EXT2: variants seen among roughly 807,000 people sequenced by gnomAD.
EXT2 encodes exostosin glycosyltransferase 2.
Under a neutral mutation model 81.6 loss-of-function variants are expected in EXT2, and 53 were observed. The observed-to-expected ratio is 0.65, with a 90% CI of 0.52 to 0.82. The LOEUF (loss-of-function observed/expected upper bound fraction) is 0.82, where lower values mean the gene tolerates loss of function less well. Ranked by LOEUF, EXT2 falls within the 40% of genes least tolerant of loss-of-function variation. The pLI, the probability that EXT2 is intolerant of heterozygous loss-of-function variation, is 0.00. For synonymous variants in EXT2, 320 were observed against 340.0 expected (o/e 0.94, Z 0.65); for missense variants, 774 against 910.2 (o/e 0.85, Z 1.93).
intron 13 of EXT2, among the ~76,000 whole-genome samples, chr11:44,238,649 A>G (rs886542672): frequency 2.6e-5 from 4 of 152,178 alleles, no homozygotes; most frequent in Admixed American, 6.5e-5. Flanking sequence ...CAGGTGAAAG[A>G]GAAGTAACTT....
chr11:44,143,196 C>G (rs941543853), intron 7 of EXT2, among the ~76,000 whole-genome samples: 14 of 152,244 alleles, frequency 9.2e-5, no homozygotes, highest in African/African-American at 3.1e-4. Context: ...AGGTGATCCA[C>G]CTGCCTTGGC....
intron 7 of EXT2, among the ~76,000 whole-genome samples, chr11:44,162,514 TGCAGTGAGCCGAGATC>T (rs1310519447): frequency 6.9e-6 from 1 of 143,928 alleles, no homozygotes; most frequent in Non-Finnish European, 1.5e-5. Context: ...AGGCTGAGGT[TGCAGTGAGCCGAGATC>T]GCACCACTGC....
chr11:44,173,758 C>T lies in EXT2; in HGVS notation c.1305+2016C>T, dbSNP rs142008162. Among the ~76,000 whole-genome samples, 1,064 of 151,582 alleles carry T rather than the reference C, an allele frequency of 7.0e-3. 13 individuals carry two copies. Among genetic ancestry groups the T allele is most frequent in the African/African-American group, 0.019 (798 of 41,362 alleles). The stretch of plus-strand genomic sequence containing the variant: ...TAATTTTTTGTGTTTTTAGTGGAGA[C>T]GGGGTTTCACTGTGTTAGCCAGGAT... On this transcript the variant is annotated intron_variant, in intron 8 of 13. Transcript: ENST00000533608.
chr11:44,222,337 C>T (rs1015910409), intron 10 of EXT2, among the ~76,000 whole-genome samples: 5 of 152,164 alleles, frequency 3.3e-5, no homozygotes, highest in Admixed American at 2.6e-4. Flanking sequence ...CCAGTGTGGT[C>T]CATTCATGCA....
chr11:44,145,092 A>G (rs1954698766), intron 7 of EXT2, among the ~76,000 whole-genome samples: 1 of 152,100 alleles, frequency 6.6e-6, no homozygotes, highest in African/African-American at 2.4e-5. Flanking sequence ...GCAAGAAGAC[A>G]TAGAAATAGC....
chr11:44,175,612 G>T (rs901942936), intron 8 of EXT2, among the ~76,000 whole-genome samples: 3 of 152,130 alleles, frequency 2.0e-5, no homozygotes, highest in Admixed American at 6.5e-5. Context: ...TCAGCAGGAA[G>T]TAACTCTTAG....
At chr11:44,217,560 C>G (rs1955734398) in intron 10 of EXT2, among the ~76,000 whole-genome samples, 1 of 152,132 alleles carries the variant, frequency 6.6e-6, no homozygotes, top group African/African-American at 2.4e-5. Context: ...TCTTTTCAGC[C>G]TGGGATAATT....
chr11:44,135,206 G>A (rs148718330), intron 7 of EXT2, among the ~76,000 whole-genome samples: 316 of 152,272 alleles, frequency 2.1e-3, no homozygotes, highest in African/African-American at 7.4e-3. Context: ...TTATAGGAGA[G>A]CCCCTATCAG....
At chr11:44,229,403 C>T (rs1025501409) in intron 10 of EXT2, among the ~76,000 whole-genome samples, 12 of 152,328 alleles carry the variant, frequency 7.9e-5, no homozygotes, top group African/African-American at 2.2e-4. Context: ...ACGATGCCTG[C>T]GGTCGATTAG....
intron 12 of EXT2, among the ~76,000 whole-genome samples, chr11:44,235,586 G>T (rs1955953982): frequency 6.6e-6 from 1 of 152,072 alleles, no homozygotes; most frequent in Admixed American, 6.5e-5. Context: ...GTTTTTAGCT[G>T]TGGCTGCTTA....
chr11:44,243,498 T>G (rs1564991286), intron 13 of EXT2, among the ~76,000 whole-genome samples: 2 of 152,252 alleles, frequency 1.3e-5, no homozygotes, highest in African/African-American at 4.8e-5. Flanking sequence ...TATGTGAACT[T>G]CAGCTTTCAC....
chr11:44,232,109 C>G (rs562464522), intron 10 of EXT2, among the ~76,000 whole-genome samples: 1 of 152,258 alleles, frequency 6.6e-6, no homozygotes, highest in Admixed American at 6.5e-5. Flanking sequence ...ATTACCCCCA[C>G]ATTAATTGAA....
At chr11:44,097,484 C>T (rs1418589523) in intron 1 of EXT2, among the ~76,000 whole-genome samples, 1 of 151,996 alleles carries the variant, frequency 6.6e-6, no homozygotes, top group African/African-American at 2.4e-5. Context: ...AGCTGTAAGG[C>T]CCTTTCTAAA....
chr11:44,189,011 C>G (rs1216719505), intron 8 of EXT2, among the ~76,000 whole-genome samples: 1 of 152,014 alleles, frequency 6.6e-6, no homozygotes, highest in Non-Finnish European at 1.5e-5. Flanking sequence ...TGCAGTAAAC[C>G]AAAGAAAAAG....
At position 44,156,613 on chromosome 11, in the gene EXT2, A is replaced by T. The variant is rs902387571; in HGVS notation, c.1174-14998A>T. ...TTAAATTTATCTGTTAGAATTCTGA[A>T]TTCCTTCTCTCTGTTGTCTTGAATT... On this transcript the variant is annotated intron_variant, in intron 7 of 13. Coordinates refer to ENST00000533608, the MANE Select transcript of EXT2 (RefSeq NM_207122.2). Among the ~76,000 whole-genome samples the T allele has an allele frequency of 3.3e-5, 5 of 152,292 alleles. No individual in the cohort carries two copies. The East Asian group carries it at 7.7e-4, about 24-fold the overall frequency.
In EXT2 at chr11:44,247,299, TGCA is replaced by T. The variant is rs1956102904; in HGVS notation, c.*3013_*3015del. On this transcript the variant is annotated 3_prime_UTR_variant, in exon 14 of 14. Coordinates refer to ENST00000533608, the MANE Select transcript of EXT2 (RefSeq NM_207122.2). ...CTTGCTCTTGTCACCCAGGCTGGAG[TGCA>T]ACAATAGCATGGTCTCGGCTCACTA... Among the ~76,000 whole-genome samples, 2 of 24,182 alleles carry T rather than the reference TGCA, an allele frequency of 8.3e-5. No individual in the cohort carries two copies. The highest frequency in any genetic ancestry group is 9.6e-3 in the East Asian group (1 of 104). The allele number at this position is 24,182 out of a possible 152,430, so 15.9% of individuals were successfully genotyped here. A position where few individuals can be genotyped will look rare whatever the true frequency, so the allele number is the denominator to read the frequency against.
At chr11:44,107,537 T>C (rs1331503357) in intron 1 of EXT2, 146 bp from the exon 2 acceptor site, 29 of 741,694 alleles carry the variant, frequency 3.9e-5, no homozygotes, top group Non-Finnish European at 6.2e-5. Context: ...TGAGCTGAGA[T>C]TGCACCACTG....
intron 1 of EXT2, 81 bp downstream of exon 1, chr11:44,095,933 GA>G (rs1397741199): frequency 5.3e-6 from 2 of 375,486 alleles, no homozygotes; most frequent in Non-Finnish European, 1.0e-5. Flanking sequence ...GCTGGGTCGG[GA>G]CAAGGGCCGA....
chr11:44,188,701 C>T (rs1304551892), intron 8 of EXT2, among the ~76,000 whole-genome samples: 1 of 152,108 alleles, frequency 6.6e-6, no homozygotes, highest in Non-Finnish European at 1.5e-5. Context: ...CAAGGGCTTG[C>T]AATTATTAGA....
Sources: gnomAD v4.1 joint callset for allele counts (sites outside exome capture counted in the v4.1 genomes callset) on GRCh38, gnomAD v4.1.1 for gene constraint, MANE v1.5 for transcripts, NCBI Gene and HGNC (gene_info 2026-07-23, HGNC 2026-07-21) for gene names.